The following CYB561A3 variants were observed in gnomAD, a reference collection of about 807,000 sequenced individuals.
CYB561A3 encodes the protein lysosomal membrane ascorbate-dependent ferrireductase CYB561A3.
In CYB561A3, 16 loss-of-function variants were observed where a neutral mutation model predicts 25.3. The ratio of observed to expected loss-of-function variants is 0.63; its 90% CI spans 0.43 to 0.96. The LOEUF is 0.96. Among genes scored for constraint, CYB561A3 ranks in the 40% least tolerant of loss-of-function variants. The pLI is 0.00. For synonymous variants in CYB561A3, 131 were observed against 129.9 expected, an observed-to-expected ratio of 1.01 and a Z score of -0.06; for missense variants, 219 against 307.5, an observed-to-expected ratio of 0.71 and a Z score of 2.15.
chr11:61,354,951 C>G (rs1857589170), intron 3 of CYB561A3, among the ~76,000 whole-genome samples: 1 of 150,980 alleles, frequency 6.6e-6, no homozygotes, highest in African/African-American at 2.4e-5. Flanking sequence ...TCACTGCAAG[C>G]TCCGCCTCCC....
intron 3 of CYB561A3, among the ~76,000 whole-genome samples, chr11:61,355,227 C>A (rs546002045): frequency 3.3e-5 from 5 of 152,230 alleles, no homozygotes; most frequent in South Asian, 2.1e-4. Context: ...ACAGAGCCCA[C>A]CTCACAAACT....
intron 2 of CYB561A3, chr11:61,357,264 T>G (rs1385264575): frequency 6.5e-7 from 1 of 1,549,264 alleles, no homozygotes; most frequent in Non-Finnish European, 8.7e-7. Flanking sequence ...GGGCTAATCT[T>G]CACTGGAGAG....
In CYB561A3 at chr11:61,353,830, A is replaced by T. The variant is rs1166666476; in HGVS notation, c.347T>A (p.Leu116His). 6.2e-7 allele frequency: 1 copy of T among 1,614,082 alleles called. No homozygotes were observed. The highest frequency in any genetic ancestry group is 8.5e-7 in the Non-Finnish European group (1 of 1,180,042). ...AGTGGTGATGCCCAGCCAGCTGTGA[A>T]GGGAGTAGAGGTTGGCAGTCCTTCC... ...NHGRTANLYS[L>H]HSWLGITTVF... The change falls in exon 4 of 7, where the codon CTT (leucine) becomes CAT (histidine). Residue 116 changes from leucine (L) to histidine (H), a missense_variant. Transcript: ENST00000294072.
chr11:61,353,349 T>C (rs1229057810), intron 4 of CYB561A3: 6 of 668,726 alleles, frequency 9.0e-6, no homozygotes, highest in Non-Finnish European at 1.5e-5. Context: ...TTAGCTACCA[T>C]CCCACTCCCA....
intron 4 of CYB561A3, 37 bp from the exon 5 acceptor site, chr11:61,353,176 T>C: frequency 6.4e-7 from 1 of 1,555,232 alleles, no homozygotes; most frequent in Non-Finnish European, 8.7e-7. Flanking sequence ...GACTGTGCTA[T>C]GTGTGACCAA....
rs763442436 is a variant in CYB561A3 at position 61,356,696 on chromosome 11, G to A, written c.18C>T (p.Phe6=). ...ACCCCAGCAGCAGGCAGGACAAGTA[G>A]AACCGTCCAGACACCATTCTGATCA... MVSGR[F]YLSCLLLGSL... The change falls in exon 3 of 7, where the codon TTC becomes TTT. Residue 6 remains phenylalanine, a synonymous_variant. Coordinates refer to ENST00000294072, the MANE Select transcript of CYB561A3 (RefSeq NM_153611.6). 6.2e-7 allele frequency: 1 copy of A among 1,614,172 alleles called. No homozygotes were observed. Among genetic ancestry groups the A allele is most frequent in the Non-Finnish European group, 8.5e-7 (1 of 1,180,026 alleles).
rs532050820 is a variant in CYB561A3, at chr11:61,351,013, G to A, written c.683C>T (p.Pro228Leu). The part of the protein sequence containing the change: ...LLASSWKRPE[P>L]GILTDRQPLL... ...TACCTGTCTGTCGGTCAGGATCCCCGGCTCTGGGCGCTTCCAAGATGAAGC... is the reference window on the plus strand; with the variant it reads ...TACCTGTCTGTCGGTCAGGATCCCCAGCTCTGGGCGCTTCCAAGATGAAGC... The change falls in exon 6 of 7, where the codon CCG becomes CTG. Residue 228 changes from proline (P) to leucine (L), a missense_variant. Transcript: ENST00000294072. The A allele has an allele frequency of 3.3e-5, 54 of 1,613,732 alleles. No homozygotes were observed. The highest frequency in any genetic ancestry group is 1.7e-4 in the Middle Eastern group (1 of 6,038).
chr11:61,350,513 G>C (rs1376081482), intron 6 of CYB561A3, 91 bp from the exon 7 acceptor site: 6 of 1,525,190 alleles, frequency 3.9e-6, no homozygotes, highest in African/African-American at 1.4e-5. Context: ...CAGCCTGCAG[G>C]GTGGTCCCCA....
rs150048136 is a variant in CYB561A3 at position 61,351,022 on chromosome 11, C to T, written c.674G>A (p.Arg225His). ...LYILLASSWK[R>H]PEPGILTDRQ... is the part of the protein sequence containing the mutation. ...GTCGGTCAGGATCCCCGGCTCTGGG[C>T]GCTTCCAAGATGAAGCCAGAAGGAT... Residue 225 changes from arginine to histidine, a missense_variant, in exon 6 of 7, where the codon CGC becomes CAC. Coordinates refer to ENST00000294072, the MANE Select transcript of CYB561A3 (RefSeq NM_153611.6). 37 of 1,613,674 alleles carry T rather than the reference C, an allele frequency of 2.3e-5. No individual in the cohort carries two copies. The African/African-American group carries it at 3.7e-4, about 16-fold the overall frequency.
chr11:61,357,299 C>G, intron 2 of CYB561A3: 1 of 1,434,408 alleles, frequency 7.0e-7, no homozygotes, highest in Non-Finnish European at 9.5e-7. Context: ...ACTCCACTGC[C>G]CACACTCCAC....
At chr11:61,350,445 A>C in intron 6 of CYB561A3, 23 bp from the exon 7 acceptor site, 1 of 1,610,666 alleles carries the variant, frequency 6.2e-7, no homozygotes, top group South Asian at 1.1e-5. Context: ...GCAGATGCCC[A>C]GGAGTTAATG....
intron 4 of CYB561A3, chr11:61,353,524 A>G (rs1291292317): frequency 1.5e-6 from 1 of 680,494 alleles, no homozygotes; most frequent in Non-Finnish European, 2.7e-6. Context: ...GATTAGAGTC[A>G]GCATAGTGCG....
chr11:61,353,716 T>C, intron 4 of CYB561A3, 68 bp downstream of exon 4: 1 of 1,513,780 alleles, frequency 6.6e-7, no homozygotes, highest in Non-Finnish European at 9.2e-7. Context: ...TTGGTGCTCA[T>C]GCAAGTGAAC....
rs777597647 is a variant in CYB561A3, at chr11:61,356,651, G to A, written c.63C>T (p.Ile21=). ...LLLGSLGSMC[I]LFTIYWMQYW... ...ACTGCATCCAGTAGATAGTGAAGAGGATGCACATAGAGCCCAGGGACCCCA... is the reference window on the plus strand; with the variant it reads ...ACTGCATCCAGTAGATAGTGAAGAGAATGCACATAGAGCCCAGGGACCCCA... The change falls in exon 3 of 7, where the codon ATC becomes ATT. Residue 21 remains isoleucine (I), a synonymous_variant. Coordinates refer to ENST00000294072, the MANE Select transcript of CYB561A3 (RefSeq NM_153611.6). 3 of 1,614,154 alleles carry A rather than the reference G, an allele frequency of 1.9e-6. No individual in the cohort carries two copies. The highest frequency in any genetic ancestry group is 1.3e-5 in the African/African-American group (1 of 75,030).
Position 61,356,540 on chromosome 11 carries a change from G to A in CYB561A3, c.174C>T (p.Phe58=). 6.2e-7 allele frequency: 1 copy of A among 1,613,880 alleles called. No individual in the cohort carries two copies. Among genetic ancestry groups the A allele is most frequent in the Non-Finnish European group, 8.5e-7 (1 of 1,179,950 alleles). The change falls in exon 3 of 7, where the codon TTC becomes TTT. Residue 58 remains phenylalanine, a synonymous_variant. Transcript: ENST00000294072. ...PVLMVAGMVV[F]YGGASLVYRL... ...TGACCTCTTACTCACCACCTCCATA[G>A]AATACCACCATGCCAGCAACCATAA...
rs780846467 is a variant in CYB561A3, at chr11:61,350,422, G to A, written c.706C>T (p.Pro236Ser). 14 of 1,611,560 alleles carry A rather than the reference G, an allele frequency of 8.7e-6. No homozygotes were observed. In the South Asian group the frequency reaches 1.3e-4, roughly 15 times the overall value. Residue 236 changes from proline to serine, a missense_variant and splice_region_variant, in exon 7 of 7, where the codon CCC becomes TCC. Pro to Ser is a moderately conservative substitution (Grantham distance 74). Coordinates refer to ENST00000294072, the MANE Select transcript of CYB561A3 (RefSeq NM_153611.6). ...PEPGILTDRQ[P>S]LLHDGE Reference sequence around the variant, plus strand: ...CTTCACTCCCCATCATGCAGCAGGGGCTGGAAAGAGAGGCAGATGCCCAGG... The same window carrying A: ...CTTCACTCCCCATCATGCAGCAGGGACTGGAAAGAGAGGCAGATGCCCAGG...
intron 1 of CYB561A3, chr11:61,360,634 A>G (rs962236364): frequency 1.3e-5 from 2 of 152,224 alleles, no homozygotes; most frequent in African/African-American, 4.8e-5. Flanking sequence ...AACAGGTCAC[A>G]TCCAGGGGTA....
Position 61,349,570 on chromosome 11 carries a change from T to C in CYB561A3, c.*829A>G. 1.4e-6 allele frequency: 1 copy of C among 702,946 alleles called. No individual in the cohort carries two copies. Among genetic ancestry groups the C allele is most frequent in the Non-Finnish European group, 2.6e-6 (1 of 384,984 alleles). The allele number at this position is 702,946 out of a possible 1,614,324, so 43.5% of individuals were successfully genotyped here. A position where few individuals can be genotyped will look rare whatever the true frequency, so the allele number is the denominator to read the frequency against. On this transcript the variant is annotated 3_prime_UTR_variant, in exon 7 of 7. Coordinates refer to ENST00000294072, the MANE Select transcript of CYB561A3 (RefSeq NM_153611.6). Reference sequence around the variant, plus strand: ...TGGGAGAGCAGGTCACCAGGATTTGTAGGGCTGCCTGCCGGTGACAGACAC... The same window carrying C: ...TGGGAGAGCAGGTCACCAGGATTTGCAGGGCTGCCTGCCGGTGACAGACAC...
At chr11:61,356,996 G>A (rs1342930077) in intron 2 of CYB561A3, 1 of 1,469,704 alleles carries the variant, frequency 6.8e-7, no homozygotes, top group Non-Finnish European at 9.0e-7. Flanking sequence ...CCCTGGCGAA[G>A]GCCAGATGCC....
Sources: gnomAD v4.1 joint callset for allele counts (sites outside exome capture counted in the v4.1 genomes callset) on GRCh38, gnomAD v4.1.1 for gene constraint, MANE v1.5 for transcripts, NCBI Gene and HGNC (gene_info 2026-07-23, HGNC 2026-07-21) for gene names.